Variants in CCDC171 observed in about 807,000 individuals in gnomAD.
CCDC171 encodes coiled-coil domain containing 171, also known as coiled-coil domain-containing protein 171.
Under a neutral mutation model 168.2 loss-of-function variants are expected in CCDC171, and 177 were observed. That is an observed-to-expected ratio of 1.05 (90% CI 0.93 to 1.19). The LOEUF is 1.19. Among genes scored for constraint, CCDC171 ranks in the 50% most tolerant of loss-of-function variants. CCDC171 has a pLI of 0.00. For missense variants in CCDC171, 1,991 were observed against 1,539.0 expected (o/e 1.29, Z -4.91); for synonymous variants, 687 against 540.8 (o/e 1.27, Z -3.75).
chr9:15,859,026 A>G (rs1165300406), intron 23 of CCDC171, among the ~76,000 whole-genome samples: 2 of 152,036 alleles, frequency 1.3e-5, no homozygotes, highest in African/African-American at 4.8e-5. Flanking sequence ...TGAACTCTAC[A>G]TATATGGCCT....
chr9:15,843,322 A>C (rs1050064563), intron 21 of CCDC171, among the ~76,000 whole-genome samples: 1 of 152,214 alleles, frequency 6.6e-6, no homozygotes, highest in East Asian at 1.9e-4. Context: ...ATATTGTGAC[A>C]TTGGTTCTTG....
intron 6 of CCDC171, among the ~76,000 whole-genome samples, chr9:15,613,424 A>G (rs1414948253): frequency 6.6e-6 from 1 of 152,218 alleles, no homozygotes. Flanking sequence ...TAAAGACTCA[A>G]AACACTCATA....
chr9:15,767,093 A>G (rs1462144605), intron 18 of CCDC171, among the ~76,000 whole-genome samples: 1 of 152,254 alleles, frequency 6.6e-6, no homozygotes, highest in Non-Finnish European at 1.5e-5. Flanking sequence ...ATGTAAACTT[A>G]AAAATGTGTG....
In CCDC171 at chr9:15,704,278, C is replaced by T. The variant is rs572643768; in HGVS notation, c.1318+8941C>T. On this transcript the variant is annotated intron_variant, in intron 11 of 25. Transcript: ENST00000380701. ...AGGTGTGCACATATGGTCCCAGCTA[C>T]TCCCGAGGCTGAAGGAAGAGGATTA... 3.9e-5 allele frequency among the ~76,000 whole-genome samples: 6 copies of T among 152,308 alleles called. No individual in the cohort carries two copies. In the East Asian group the frequency reaches 9.6e-4, roughly 24 times the overall value.
At chr9:15,858,723 T>G (rs1449839413) in intron 23 of CCDC171, among the ~76,000 whole-genome samples, 1 of 152,114 alleles carries the variant, frequency 6.6e-6, no homozygotes, top group African/African-American at 2.4e-5. Context: ...AACATCTTAA[T>G]TCATAACAAT....
intron 6 of CCDC171, among the ~76,000 whole-genome samples, chr9:15,601,161 A>G (rs1262399444): frequency 6.6e-6 from 1 of 152,108 alleles, no homozygotes; most frequent in East Asian, 1.9e-4. Context: ...CTCTCTGACA[A>G]TCCTCAGTGA....
At chr9:15,927,608 C>G (rs1029739090) in intron 25 of CCDC171, among the ~76,000 whole-genome samples, 1 of 151,542 alleles carries the variant, frequency 6.6e-6, no homozygotes, top group African/African-American at 2.4e-5. Flanking sequence ...CCATTAGTGT[C>G]TTTGCGGGAG....
chr9:16,084,088 C>A, the CCDC171 span, among the ~76,000 whole-genome samples: 1 of 152,170 alleles, frequency 6.6e-6, no homozygotes, highest in African/African-American at 2.4e-5. Context: ...TCCTTTTAAA[C>A]CTGAATCAAT....
At chr9:15,871,626 G>T (rs529926962) in intron 23 of CCDC171, among the ~76,000 whole-genome samples, 31 of 151,856 alleles carry the variant, frequency 2.0e-4, no homozygotes, top group African/African-American at 7.2e-4. Context: ...CTTTTAATAT[G>T]TTAGTTACTT....
chr9:15,786,411 A>G (rs1379813883), intron 21 of CCDC171, among the ~76,000 whole-genome samples: 1 of 152,202 alleles, frequency 6.6e-6, no homozygotes, highest in Non-Finnish European at 1.5e-5. Flanking sequence ...ATCACCTGAT[A>G]TATCTACCAT....
At chr9:15,744,844 G>C in intron 17 of CCDC171, 67 bp downstream of exon 17, 2 of 1,451,768 alleles carry the variant, frequency 1.4e-6, no homozygotes, top group Non-Finnish European at 1.8e-6. Flanking sequence ...ACTATACCTG[G>C]CTATTATGGA....
intron 25 of CCDC171, among the ~76,000 whole-genome samples, chr9:15,936,150 C>T (rs954943876): frequency 4.6e-5 from 7 of 152,030 alleles, no homozygotes; most frequent in African/African-American, 7.2e-5. Context: ...CTTTGCAGCA[C>T]TGTTATATAA....
intron 3 of CCDC171, among the ~76,000 whole-genome samples, chr9:16,007,798 T>G (rs1300127441): frequency 6.6e-6 from 1 of 152,218 alleles, no homozygotes. Context: ...TATGTCTCTG[T>G]TTTGGTAACA....
At chr9:15,661,037 T>G (rs1033263008) in intron 8 of CCDC171, among the ~76,000 whole-genome samples, 2 of 152,198 alleles carry the variant, frequency 1.3e-5, no homozygotes, top group Non-Finnish European at 2.9e-5. Context: ...TCCCAGCACT[T>G]TGGGAGGCCG....
chr9:15,590,585 A>C (rs2041903264), intron 4 of CCDC171, among the ~76,000 whole-genome samples: 1 of 152,174 alleles, frequency 6.6e-6, no homozygotes. Flanking sequence ...CTGGCAAAGT[A>C]AATAGTTACA....
intron 21 of CCDC171, among the ~76,000 whole-genome samples, chr9:15,796,683 G>C (rs564772572): frequency 4.0e-5 from 6 of 151,722 alleles, no homozygotes; most frequent in Admixed American, 1.3e-4. Context: ...GATGGGCCAA[G>C]TCAGACCTGG....
intron 21 of CCDC171, among the ~76,000 whole-genome samples, chr9:15,823,246 G>A (rs2059868770): frequency 6.6e-6 from 1 of 151,934 alleles, no homozygotes; most frequent in Non-Finnish European, 1.5e-5. Context: ...AAAGGGTGCA[G>A]CACACCAACA....
chr9:15,786,912 C>T (rs563875996), intron 21 of CCDC171, among the ~76,000 whole-genome samples: 6 of 152,162 alleles, frequency 3.9e-5, no homozygotes, highest in South Asian at 2.1e-4. Flanking sequence ...ACTGCCTACC[C>T]GAGTCCTACA....
chr9:15,636,160 A>G (rs2046184729), intron 7 of CCDC171, among the ~76,000 whole-genome samples: 1 of 152,098 alleles, frequency 6.6e-6, no homozygotes, highest in African/African-American at 2.4e-5. Flanking sequence ...CTATGTATAT[A>G]TATATATATC....
Sources: allele counts gnomAD v4.1 joint callset (sites outside exome capture counted in the v4.1 genomes callset), GRCh38; gene constraint gnomAD v4.1.1; transcripts MANE v1.5; gene names NCBI Gene and HGNC (gene_info 2026-07-23, HGNC 2026-07-21).